Variants in TENM4 observed in about 807,000 individuals in gnomAD.
TENM4 encodes the protein teneurin-4.
TENM4 carries 82 observed loss-of-function variants against 243.3 expected under a neutral mutation model. The observed-to-expected ratio is 0.34, with a 90% CI of 0.28 to 0.40. The LOEUF (loss-of-function observed/expected upper bound fraction) is 0.40, where lower values mean the gene tolerates loss of function less well. TENM4 is among the 10% of genes least tolerant of loss of function. TENM4 has a pLI of 1.00. For missense variants in TENM4, 3,138 were observed against 3,673.3 expected (o/e 0.85, Z 3.77); for synonymous variants, 1,412 against 1,456.3 (o/e 0.97, Z 0.69).
At chr11:78,765,754 A>C (rs1171825864) in intron 18 of TENM4, among the ~76,000 whole-genome samples, 1 of 152,138 alleles carries the variant, frequency 6.6e-6, no homozygotes, top group African/African-American at 2.4e-5. Context: ...GTGCCTTGCA[A>C]CTTTGTTGTA....
At position 78,670,122 on chromosome 11, in the gene TENM4, C is replaced by T; in HGVS notation, c.6223G>A (p.Gly2075Ser). ...TAGTCAAAACGGGCGTTGACCATGC[C>T]TTCCTCAGTGAAGCGGAAGATCTGT... Reference protein sequence around the residue: ...DRQIFRFTEEGMVNARFDYNY... With the variant: ...DRQIFRFTEESMVNARFDYNY... The change falls in exon 32 of 34, where the codon GGC becomes AGC. Residue 2075 changes from glycine to serine, a missense_variant. Around this residue, in one of 2 missense-constraint regions of TENM4, gnomAD observed 2,467 missense variants for 3,059.1 expected, o/e 0.81. Transcript: ENST00000278550. The T allele has an allele frequency of 6.2e-7, 1 of 1,613,954 alleles. No homozygotes were observed. Among genetic ancestry groups the T allele is most frequent in the Non-Finnish European group, 8.5e-7 (1 of 1,179,900 alleles).
intron 12 of TENM4, among the ~76,000 whole-genome samples, chr11:78,829,853 C>T (rs1857936988): frequency 6.6e-6 from 1 of 152,198 alleles, no homozygotes; most frequent in South Asian, 2.1e-4. Context: ...TCTTCTCCTT[C>T]ACCAGGGGCT....
intron 15 of TENM4, among the ~76,000 whole-genome samples, chr11:78,788,621 C>T (rs188830920): frequency 2.5e-4 from 38 of 152,344 alleles, no homozygotes; most frequent in East Asian, 2.1e-3. Flanking sequence ...TGGGCTCTGG[C>T]GAGCACCCAG....
chr11:79,125,727 C>A lies in TENM4; in HGVS notation c.-66+22983G>T, dbSNP rs184543881. 4.1e-4 allele frequency among the ~76,000 whole-genome samples: 63 copies of A among 152,286 alleles called. 1 individual carries two copies. The highest frequency in any genetic ancestry group is 1.5e-3 in the African/African-American group (61 of 41,550). ...TTCCATCTTTGTCTGAGGACATAAA[C>A]CCTGAGCTGCCTGAGGCAACAGTGA... On this transcript the variant is annotated intron_variant, in intron 4 of 33. Coordinates refer to ENST00000278550, the MANE Select transcript of TENM4 (RefSeq NM_001098816.3).
intron 13 of TENM4, among the ~76,000 whole-genome samples, chr11:78,812,589 G>A (rs1226829103): frequency 6.6e-6 from 1 of 152,134 alleles, no homozygotes; most frequent in Non-Finnish European, 1.5e-5. Context: ...GGGGTACAGT[G>A]GCTGCCAGGA....
At position 79,364,183 on chromosome 11, in the gene TENM4, A is replaced by G. The variant is rs142300806; in HGVS notation, c.-320-66640T>C. On this transcript the variant is annotated intron_variant, in intron 1 of 33. Transcript: ENST00000278550. ...TGAGTAATCTTAGCTCTGTCATGGA[A>G]ACTATTCATTAAACACACACATGCT... Among the ~76,000 whole-genome samples the G allele has an allele frequency of 1.4e-3, 206 of 152,310 alleles. 1 individual carries two copies. The highest frequency in any genetic ancestry group is 4.7e-3 in the African/African-American group (197 of 41,574).
chr11:78,764,966 C>A (rs114615273), intron 18 of TENM4, among the ~76,000 whole-genome samples: 3 of 152,106 alleles, frequency 2.0e-5, no homozygotes, highest in Non-Finnish European at 2.9e-5. Flanking sequence ...TGGGGCAATC[C>A]GTGGCCTAGT....
chr11:78,812,333 G>C lies in TENM4; in HGVS notation c.1784-17C>G. On this transcript the variant is annotated splice_polypyrimidine_tract_variant and intron_variant, in intron 13 of 33. Coordinates refer to ENST00000278550, the MANE Select transcript of TENM4 (RefSeq NM_001098816.3). ...GGCAGGAGGCTGGGGAGACAGCACC[G>C]GAGTCTGGCATGAATCAATGTCCAG... 2 of 1,548,004 alleles carry C rather than the reference G, an allele frequency of 1.3e-6. No homozygotes were observed. Among genetic ancestry groups the C allele is most frequent in the African/African-American group, 1.4e-5 (1 of 73,096 alleles).
intron 1 of TENM4, among the ~76,000 whole-genome samples, chr11:79,427,850 A>C (rs1259024901): frequency 6.6e-6 from 1 of 152,230 alleles, no homozygotes; most frequent in African/African-American, 2.4e-5. Context: ...GTATAACATA[A>C]TACGTGGAAC....
intron 9 of TENM4, among the ~76,000 whole-genome samples, chr11:78,887,595 G>A (rs2136287217): frequency 6.6e-6 from 1 of 152,316 alleles, no homozygotes; most frequent in South Asian, 2.1e-4. Context: ...AACGTTGGAA[G>A]GAAAATTAAA....
At chr11:79,351,202 C>A (rs961544487) in intron 1 of TENM4, among the ~76,000 whole-genome samples, 9 of 152,186 alleles carry the variant, frequency 5.9e-5, no homozygotes, top group African/African-American at 1.4e-4. Context: ...AATAGACATG[C>A]CTTCCTCATC....
At chr11:79,073,155 G>A (rs1369324923) in intron 4 of TENM4, among the ~76,000 whole-genome samples, 1 of 152,186 alleles carries the variant, frequency 6.6e-6, no homozygotes, top group Non-Finnish European at 1.5e-5. Context: ...CTGTGCCAGG[G>A]GAATTTTTGA....
In TENM4 at chr11:78,863,222, GA is replaced by G. The variant is rs374574225; in HGVS notation, c.1085-91del. On this transcript the variant is annotated intron_variant, in intron 9 of 33. Coordinates refer to ENST00000278550, the MANE Select transcript of TENM4 (RefSeq NM_001098816.3). ...TAAGGGAAAGGTGGGCAGGGTGGGGGAACACAGGCATTCAGTTCAGTTCAAC... is the reference window on the plus strand; with the variant it reads ...TAAGGGAAAGGTGGGCAGGGTGGGGGACACAGGCATTCAGTTCAGTTCAAC... The G allele has an allele frequency of 1.7e-3, 2,301 of 1,360,806 alleles. 14 individuals carry two copies. Among genetic ancestry groups the G allele is most frequent in the Middle Eastern group, 0.014 (67 of 4,846 alleles). The allele number at this position is 1,360,806 out of a possible 1,614,324, so 84.3% of individuals were successfully genotyped here. A position where few individuals can be genotyped will look rare whatever the true frequency, so the allele number is the denominator to read the frequency against.
chr11:78,917,161 A>G (rs534774596), intron 6 of TENM4, among the ~76,000 whole-genome samples: 1 of 152,370 alleles, frequency 6.6e-6, no homozygotes, highest in African/African-American at 2.4e-5. Context: ...GGGTGTTATT[A>G]TCCTCCTTTC....
intron 6 of TENM4, among the ~76,000 whole-genome samples, chr11:78,953,609 A>T (rs1857149954): frequency 6.6e-6 from 1 of 152,248 alleles, no homozygotes; most frequent in Non-Finnish European, 1.5e-5. Context: ...GTCAGAAAAA[A>T]AAGTATAAAA....
At chr11:78,661,724 T>C (rs1858035146) in intron 32 of TENM4, 133 bp from the exon 33 acceptor site, 1 of 1,140,642 alleles carries the variant, frequency 8.8e-7, no homozygotes, top group Non-Finnish European at 1.2e-6. Context: ...GAGAGTCAAC[T>C]GCTACATACA....
chr11:79,213,005 C>T (rs1322013870), intron 3 of TENM4, among the ~76,000 whole-genome samples: 6 of 152,146 alleles, frequency 3.9e-5, no homozygotes, highest in African/African-American at 9.7e-5. Flanking sequence ...GTGTCAGGCA[C>T]TGAGGGCTCA....
chr11:78,658,935 T>C, intron 33 of TENM4, 119 bp from the exon 34 acceptor site: 1 of 1,183,438 alleles, frequency 8.4e-7, no homozygotes, highest in Non-Finnish European at 1.2e-6. Context: ...CTGCGGCATG[T>C]AGCTCTACCG....
intron 6 of TENM4, among the ~76,000 whole-genome samples, chr11:78,948,854 TG>T (rs934422281): frequency 3.9e-5 from 6 of 152,342 alleles, no homozygotes; most frequent in Admixed American, 3.3e-4. Context: ...TTCTGTAAAA[TG>T]TCCTGCATTC....
Sources: allele counts gnomAD v4.1 joint callset (sites outside exome capture counted in the v4.1 genomes callset), GRCh38; gene constraint gnomAD v4.1.1; regional missense constraint gnomAD v4.1.1; transcripts MANE v1.5; gene names NCBI Gene and HGNC (gene_info 2026-07-23, HGNC 2026-07-21).